DNAAF5: variants seen among roughly 807,000 people sequenced by gnomAD.
The protein encoded by DNAAF5 is HEAT repeat containing 2.
DNAAF5 carries 64 observed loss-of-function variants against 75.8 expected under a neutral mutation model. The observed-to-expected ratio is 0.84, with a 90% CI of 0.69 to 1.04. The LOEUF (loss-of-function observed/expected upper bound fraction) is 1.04. Ranked by LOEUF, DNAAF5 falls within the 50% of genes least tolerant of loss-of-function variation. The probability of loss-of-function intolerance (pLI) is 0.00; values close to 1 mark genes in which losing one functional copy is unlikely to be tolerated. For missense variants in DNAAF5, 1,269 were observed against 1,178.5 expected, an observed-to-expected ratio of 1.08 and a Z score of -1.12; for synonymous variants, 657 against 557.2, an observed-to-expected ratio of 1.18 and a Z score of -2.52.
chr7:732,279 C>G (rs975126817), intron 2 of DNAAF5, among the ~76,000 whole-genome samples: 2 of 152,248 alleles, frequency 1.3e-5, no homozygotes, highest in Non-Finnish European at 2.9e-5. Context: ...GCTCCGAGCC[C>G]AGGACACTGA....
chr7:739,571 C>G (rs1358924915), intron 2 of DNAAF5, among the ~76,000 whole-genome samples: 1 of 152,222 alleles, frequency 6.6e-6, no homozygotes, highest in Non-Finnish European at 1.5e-5. Flanking sequence ...TGTGTCCCCT[C>G]GCGTGCTTCC....
At chr7:757,388 A>T (rs542274890) in intron 6 of DNAAF5, among the ~76,000 whole-genome samples, 1 of 152,208 alleles carries the variant, frequency 6.6e-6, no homozygotes. Flanking sequence ...CTGGGGGTAG[A>T]TGTGGGGTCC....
At chr7:739,657 G>A (rs1307573520) in intron 2 of DNAAF5, among the ~76,000 whole-genome samples, 9 of 152,330 alleles carry the variant, frequency 5.9e-5, no homozygotes, top group South Asian at 2.1e-4. Flanking sequence ...GCCTCTCCTT[G>A]TGTGAACTTG....
chr7:759,205 C>T (rs1342621918), intron 6 of DNAAF5, among the ~76,000 whole-genome samples: 1 of 152,158 alleles, frequency 6.6e-6, no homozygotes, highest in South Asian at 2.1e-4. Context: ...CAAGAACAAA[C>T]CGAAATTGTT....
chr7:731,594 G>A (rs184201027), intron 2 of DNAAF5, among the ~76,000 whole-genome samples: 58 of 152,314 alleles, frequency 3.8e-4, no homozygotes, highest in African/African-American at 1.1e-3. Context: ...CCTGCGGCCC[G>A]TGGGCCACAT....
intron 12 of DNAAF5, among the ~76,000 whole-genome samples, chr7:784,856 C>T (rs919236859): frequency 1.3e-5 from 2 of 152,204 alleles, no homozygotes; most frequent in Admixed American, 1.3e-4. Flanking sequence ...ATTTCATGGT[C>T]TGCCCACAAC....
intron 5 of DNAAF5, among the ~76,000 whole-genome samples, chr7:755,321 C>T (rs1480811619): frequency 6.6e-6 from 1 of 152,160 alleles, no homozygotes; most frequent in Non-Finnish European, 1.5e-5. Context: ...TGCTGGTTAT[C>T]GCCTCGTCAC....
chr7:740,786 A>G, intron 2 of DNAAF5, 33 bp from the exon 3 acceptor site: 1 of 1,611,516 alleles, frequency 6.2e-7, no homozygotes, highest in Non-Finnish European at 8.5e-7. Flanking sequence ...CCCTTTGCCT[A>G]CACGAATCCT....
At chr7:745,669 A>G (rs1448449067) in intron 4 of DNAAF5, among the ~76,000 whole-genome samples, 4 of 148,762 alleles carry the variant, frequency 2.7e-5, no homozygotes, top group African/African-American at 9.8e-5. Context: ...ATCCTCACAC[A>G]CGTGTACACA....
intron 7 of DNAAF5, 74 bp downstream of exon 7, chr7:761,970 A>T: frequency 2.2e-6 from 1 of 463,608 alleles, no homozygotes; most frequent in Non-Finnish European, 3.2e-6. Flanking sequence ...AGTGAGGTGA[A>T]CTGTCTCCTA....
intron 12 of DNAAF5, among the ~76,000 whole-genome samples, chr7:780,631 A>G (rs1464988144): frequency 6.6e-6 from 1 of 152,146 alleles, no homozygotes; most frequent in African/African-American, 2.4e-5. Context: ...TGGACAAAAG[A>G]AGAGTATTTT....
chr7:780,983 T>C lies in DNAAF5; in HGVS notation c.2431+839T>C, dbSNP rs567488080. Among the ~76,000 whole-genome samples, 16 of 152,304 alleles carry C rather than the reference T, an allele frequency of 1.1e-4. No individual in the cohort carries two copies. In the South Asian group the frequency reaches 2.9e-3, roughly 28 times the overall value. ...AGGCATGCAGTGTGTGTAAATCACA[T>C]TGGGGAAATGGGGTCCCCGTCACTT... is the stretch of plus-strand genomic sequence containing the variant. On this transcript the variant is annotated intron_variant, in intron 12 of 12. Transcript: ENST00000297440.
At chr7:774,395 G>A (rs370186134) in intron 10 of DNAAF5, among the ~76,000 whole-genome samples, 197 bp downstream of exon 10, 3 of 152,350 alleles carry the variant, frequency 2.0e-5, no homozygotes, top group African/African-American at 4.8e-5. Context: ...TCAGACAGCA[G>A]GCGGGAGAGC....
chr7:745,038 C>G (rs2128074375), intron 4 of DNAAF5, among the ~76,000 whole-genome samples: 1 of 152,312 alleles, frequency 6.6e-6, no homozygotes, highest in Admixed American at 6.5e-5. Context: ...CAGTGCCTCT[C>G]CCTCCAGCCG....
chr7:744,089 C>G (rs898408213), intron 4 of DNAAF5, among the ~76,000 whole-genome samples: 7 of 152,068 alleles, frequency 4.6e-5, no homozygotes, highest in Admixed American at 1.3e-4. Flanking sequence ...TCCCTCCCCC[C>G]TCACCTCACC....
At chr7:739,390 T>G (rs1400001219) in intron 2 of DNAAF5, among the ~76,000 whole-genome samples, 1 of 152,194 alleles carries the variant, frequency 6.6e-6, no homozygotes, top group African/African-American at 2.4e-5. Flanking sequence ...GCCGGCGCCA[T>G]GGGTGAAGAC....
chr7:762,026 C>T, intron 7 of DNAAF5, 130 bp downstream of exon 7: 1 of 1,058,204 alleles, frequency 9.4e-7, no homozygotes, highest in South Asian at 1.7e-5. Flanking sequence ...GATTGAGAAC[C>T]TTGCGGGTGA....
Position 770,597 on chromosome 7 carries a change from C to G in DNAAF5, c.1910C>G (p.Thr637Arg). Residue 637 changes from threonine (T) to arginine (R), a missense_variant, in exon 9 of 13, where the codon ACG (threonine) becomes AGG (arginine). Physicochemically the swap from Thr to Arg is moderately conservative, Grantham distance 71. Coordinates refer to ENST00000297440, the MANE Select transcript of DNAAF5 (RefSeq NM_017802.4). ...CTGTCCACCGTGCTGCTCAGAGCCA[C>G]GGACACCATCAACTCCCAGGGGTAG... The part of the protein sequence containing the change: ...SILSTVLLRA[T>R]DTINSQGQFP... The G allele has an allele frequency of 2.5e-6, 4 of 1,613,678 alleles. No individual in the cohort carries two copies. Among genetic ancestry groups the G allele is most frequent in the Non-Finnish European group, 3.4e-6 (4 of 1,179,952 alleles).
At chr7:766,286 AT>A (rs1401653987) in intron 8 of DNAAF5, among the ~76,000 whole-genome samples, 1 of 152,102 alleles carries the variant, frequency 6.6e-6, no homozygotes, top group South Asian at 2.1e-4. Context: ...TTTCTTCTTT[AT>A]TTTTTTCTAT....
Sources: allele counts gnomAD v4.1 joint callset (sites outside exome capture counted in the v4.1 genomes callset), GRCh38; gene constraint gnomAD v4.1.1; transcripts MANE v1.5; gene names NCBI Gene and HGNC (gene_info 2026-07-23, HGNC 2026-07-21).